PCDHGA6: variants seen among roughly 807,000 people sequenced by gnomAD.
PCDHGA6 encodes protocadherin gamma subfamily A, 6.
PCDHGA6 carries 41 observed loss-of-function variants against 60.6 expected under a neutral mutation model. That is an observed-to-expected ratio of 0.68 (90% CI 0.53 to 0.88). The LOEUF (loss-of-function observed/expected upper bound fraction) is 0.88, where lower values mean the gene tolerates loss of function less well. Among genes scored for constraint, PCDHGA6 ranks in the 40% least tolerant of loss-of-function variants. The pLI, the probability that PCDHGA6 is intolerant of heterozygous loss-of-function variation, is 0.00. For synonymous variants in PCDHGA6, 594 were observed against 524.4 expected, an observed-to-expected ratio of 1.13 and a Z score of -1.81; for missense variants, 1,312 against 1,203.0, an observed-to-expected ratio of 1.09 and a Z score of -1.34.
chr5:141,420,422 A>C, intron 1 of PCDHGA6: 1 of 1,196,438 alleles, frequency 8.4e-7, no homozygotes, highest in Non-Finnish European at 1.1e-6. Context: ...TATTAAAACA[A>C]AAGTTTAAAT....
At chr5:141,457,280 A>T (rs964027392) in intron 1 of PCDHGA6, among the ~76,000 whole-genome samples, 1 of 152,196 alleles carries the variant, frequency 6.6e-6, no homozygotes, top group Non-Finnish European at 1.5e-5. Flanking sequence ...TGGGCCTACG[A>T]AGTTCCTTGG....
intron 1 of PCDHGA6, chr5:141,405,271 C>T: frequency 3.1e-6 from 5 of 1,614,094 alleles, no homozygotes; most frequent in Non-Finnish European, 4.2e-6. Flanking sequence ...TCCCCCAGCC[C>T]AACTATGCAG....
rs1212478322 is a variant in PCDHGA6 at position 141,485,871 on chromosome 5, T to G, written c.2425-8936T>G. ...ACCGCAGAGCTCCGGGTATCCGTGC[T>G]GGACGTAAACGACAACGCCCCAGCC... On this transcript the variant is annotated intron_variant, in intron 1 of 3. Coordinates refer to ENST00000517434, the MANE Select transcript of PCDHGA6 (RefSeq NM_018919.3). The surrounding 1 kb of genome is among the most constrained non-coding windows in gnomAD (Gnocchi z 5.7). 6.2e-7 allele frequency: 1 copy of G among 1,614,196 alleles called. No homozygotes were observed. The highest frequency in any genetic ancestry group is 8.5e-7 in the Non-Finnish European group (1 of 1,180,032).
At position 141,485,402 on chromosome 5, in the gene PCDHGA6, G is replaced by T. The variant is rs375700791; in HGVS notation, c.2425-9405G>T. ...AGAGGTGAACCAAAGACACTTCCGTGTGGATTTGGACAGCGGAGCCCTGCT... is the reference window on the plus strand; with the variant it reads ...AGAGGTGAACCAAAGACACTTCCGTTTGGATTTGGACAGCGGAGCCCTGCT... On this transcript the variant is annotated intron_variant, in intron 1 of 3. Coordinates refer to ENST00000517434, the MANE Select transcript of PCDHGA6 (RefSeq NM_018919.3). This position sits in a 1 kb window ranked among gnomAD's most constrained non-coding sequence, Gnocchi z 5.7. The T allele has an allele frequency of 6.2e-7, 1 of 1,614,194 alleles. No homozygotes were observed. Among genetic ancestry groups the T allele is most frequent in the East Asian group, 2.2e-5 (1 of 44,878 alleles).
rs778244253 is a variant in PCDHGA6, at chr5:141,376,253, C to T, written c.2170C>T (p.Leu724=). 1.2e-6 allele frequency: 2 copies of T among 1,614,222 alleles called. No individual in the cohort carries two copies. The highest frequency in any genetic ancestry group is 4.5e-5 in the East Asian group (2 of 44,884). ...LRLQRWHKSR[L]LQASGGGLAS... Reference sequence around the variant, plus strand: ...ACTGCAGCGCTGGCACAAGTCACGCCTGCTGCAGGCTTCGGGAGGTGGCTT... The same window carrying T: ...ACTGCAGCGCTGGCACAAGTCACGCTTGCTGCAGGCTTCGGGAGGTGGCTT... The change falls in exon 1 of 4, where the codon CTG becomes TTG. Residue 724 remains leucine, a synonymous_variant. Transcript: ENST00000517434.
At chr5:141,383,331 G>A (rs1374498220) in intron 1 of PCDHGA6, 1 of 1,613,874 alleles carries the variant, frequency 6.2e-7, no homozygotes, top group East Asian at 2.2e-5. Flanking sequence ...AAATAATGGA[G>A]AATACAGCTC....
At chr5:141,422,684 C>T (rs2096664410) in intron 1 of PCDHGA6, 1 of 1,604,876 alleles carries the variant, frequency 6.2e-7, no homozygotes, top group Admixed American at 1.7e-5. Flanking sequence ...AAACAGAATG[C>T]CCTGGTCACT....
Position 141,400,095 on chromosome 5 carries a change from G to A in PCDHGA6, c.2424+23588G>A, listed in dbSNP as rs6873830. ...CGCCACTCTCCGCCACCGCCACGCT[G>A]CACTTGGTCTTTGCTGACAGCTTGC... On this transcript the variant is annotated intron_variant, in intron 1 of 3. Coordinates refer to ENST00000517434, the MANE Select transcript of PCDHGA6 (RefSeq NM_018919.3). 3.0e-3 allele frequency: 4,838 copies of A among 1,614,064 alleles called. 144 individuals are homozygous for A. The African/African-American group carries it at 0.056, about 19-fold the overall frequency.
intron 1 of PCDHGA6, among the ~76,000 whole-genome samples, chr5:141,483,361 A>C (rs752805137): frequency 4.6e-5 from 7 of 152,102 alleles, no homozygotes; most frequent in Non-Finnish European, 7.4e-5. Flanking sequence ...TTTGAAAGCT[A>C]TTGCAATATT....
rs1000775080 is a variant in PCDHGA6 at position 141,487,567 on chromosome 5, G to C, written c.2425-7240G>C. 2 of 1,614,168 alleles carry C rather than the reference G, an allele frequency of 1.2e-6. No individual in the cohort carries two copies. The highest frequency in any genetic ancestry group is 1.7e-6 in the Non-Finnish European group (2 of 1,180,036). ...CACCCAGTGCACCTATGGCAGGGGA[G>C]CCTGTTCGCCCAAGCTGCCCACCCT... On this transcript the variant is annotated intron_variant, in intron 1 of 3. Coordinates refer to ENST00000517434, the MANE Select transcript of PCDHGA6 (RefSeq NM_018919.3). The surrounding 1 kb of genome is among the most constrained non-coding windows in gnomAD (Gnocchi z 5.0).
Position 141,403,914 on chromosome 5 carries a change from C to A in PCDHGA6, c.2424+27407C>A, listed in dbSNP as rs748975395. The A allele has an allele frequency of 1.3e-5, 21 of 1,613,662 alleles. No homozygotes were observed. Among genetic ancestry groups the A allele is most frequent in the South Asian group, 2.2e-5 (2 of 91,064 alleles). On this transcript the variant is annotated intron_variant, in intron 1 of 3. Coordinates refer to ENST00000517434, the MANE Select transcript of PCDHGA6 (RefSeq NM_018919.3). ...TCATTTTATGAAATGGAAATACAAG[C>A]TGAAGATGGTGGGGGATTGAAAGGG...
Position 141,477,689 on chromosome 5 carries a change from C to T in PCDHGA6, c.2425-17118C>T. The T allele has an allele frequency of 6.2e-7, 1 of 1,614,156 alleles. No individual in the cohort carries two copies. The highest frequency in any genetic ancestry group is 8.5e-7 in the Non-Finnish European group (1 of 1,180,024). ...TGGCATAGTGTCATCCTTAGTGCCC[C>T]TAGACTATGAGGATCGGCGGGAATT... On this transcript the variant is annotated intron_variant, in intron 1 of 3. Transcript: ENST00000517434. This position sits in a 1 kb window ranked among gnomAD's most constrained non-coding sequence, Gnocchi z 4.9.
At position 141,409,894 on chromosome 5, in the gene PCDHGA6, C is replaced by A. The variant is rs1440813020; in HGVS notation, c.2424+33387C>A. The A allele has an allele frequency of 2.5e-6, 4 of 1,613,196 alleles. No homozygotes were observed. In the Admixed American group the frequency reaches 5.0e-5, roughly 20 times the overall value. ...ATGACAACGCACCGCGGGTGCTGTACCCAGCTCTGGGTCCTGACGGCTCCG... is the reference window on the plus strand; with the variant it reads ...ATGACAACGCACCGCGGGTGCTGTAACCAGCTCTGGGTCCTGACGGCTCCG... On this transcript the variant is annotated intron_variant, in intron 1 of 3. Transcript: ENST00000517434.
chr5:141,374,477 C>A lies in PCDHGA6; in HGVS notation c.394C>A (p.Arg132=), dbSNP rs376389009. 3 of 1,611,808 alleles carry A rather than the reference C, an allele frequency of 1.9e-6. No individual in the cohort carries two copies. In the East Asian group the frequency reaches 6.7e-5, roughly 36 times the overall value. ...EIVDINDNTP[R]FLKEELEVKI... ...AGTGGACATTAATGACAATACACCC[C>A]GATTCTTAAAGGAAGAATTGGAAGT... Residue 132 remains arginine, a synonymous_variant, in exon 1 of 4, where the codon CGA becomes AGA. Transcript: ENST00000517434.
intron 1 of PCDHGA6, chr5:141,419,146 GCCT>G: frequency 6.2e-7 from 1 of 1,613,922 alleles, no homozygotes; most frequent in East Asian, 2.2e-5. Context: ...ACAGGGGCAA[GCCT>G]CCGTTATCCT....
At chr5:141,407,243 C>G (rs1191688729) in intron 1 of PCDHGA6, among the ~76,000 whole-genome samples, 1 of 152,168 alleles carries the variant, frequency 6.6e-6, no homozygotes, top group African/African-American at 2.4e-5. Context: ...AAGCATACTT[C>G]AGGCTCATAT....
chr5:141,501,412 T>C (rs1479005426), intron 2 of PCDHGA6, among the ~76,000 whole-genome samples: 7 of 151,550 alleles, frequency 4.6e-5, no homozygotes, highest in African/African-American at 1.7e-4. Context: ...GCTTGGAAAA[T>C]AGTTGACTAA....
chr5:141,504,583 A>C (rs1230825472), intron 2 of PCDHGA6, among the ~76,000 whole-genome samples: 5 of 146,622 alleles, frequency 3.4e-5, no homozygotes, highest in Non-Finnish European at 7.4e-5. Context: ...CCATCTGCCC[A>C]GGATTCACAG....
At chr5:141,376,830 G>A (rs1343049579) in intron 1 of PCDHGA6, 1 of 266,580 alleles carries the variant, frequency 3.8e-6, no homozygotes, top group Non-Finnish European at 7.1e-6. Flanking sequence ...GGGACTACAG[G>A]CGCCCGCCAC....
Sources: gnomAD v4.1 joint callset for allele counts (sites outside exome capture counted in the v4.1 genomes callset) on GRCh38, gnomAD v4.1.1 for gene constraint, Gnocchi (gnomAD v3.1) non-coding constraint, MANE v1.5 for transcripts, NCBI Gene and HGNC (gene_info 2026-07-23, HGNC 2026-07-21) for gene names.